The following RBFOX1 variants were observed in gnomAD, a reference collection of about 807,000 sequenced individuals.
RBFOX1 encodes the protein RNA binding protein fox-1 homolog 1.
RBFOX1 carries 8 observed loss-of-function variants against 57.7 expected under a neutral mutation model. The ratio of observed to expected loss-of-function variants is 0.14; its 90% CI spans 0.08 to 0.25. The LOEUF is 0.25. Among genes scored for constraint, RBFOX1 ranks in the 10% least tolerant of loss-of-function variants. The pLI is 1.00. For missense variants in RBFOX1, 611 were observed against 548.5 expected, an observed-to-expected ratio of 1.11 and a Z score of -1.14; for synonymous variants, 326 against 222.4, an observed-to-expected ratio of 1.47 and a Z score of -4.15.
rs1171981243 is a variant in RBFOX1 at position 6,764,662 on chromosome 16, TG to T, written c.-16+110013del. Among the ~76,000 whole-genome samples, 60 of 152,224 alleles carry T rather than the reference TG, an allele frequency of 3.9e-4. 1 individual carries two copies. The highest frequency in any genetic ancestry group is 3.3e-3 in the Admixed American group (50 of 15,290). On this transcript the variant is annotated intron_variant, in intron 3 of 15. Transcript: ENST00000550418. ...ATTAAGAGTAAATGCATGGGCTGGG[TG>T]CAGTGGCTCACGCCTGTAATCCCAG...
chr16:5,968,235 C>A (rs143212585), intron 4 of RBFOX1, among the ~76,000 whole-genome samples: 4 of 151,918 alleles, frequency 2.6e-5, no homozygotes, highest in Admixed American at 6.6e-5. Context: ...CCACCATGCC[C>A]GGTTAATTTT....
In RBFOX1 at chr16:7,029,250, A is replaced by G. The variant is rs1401757244; in HGVS notation, c.-15-22807A>G. Among the ~76,000 whole-genome samples, 10 of 70,360 alleles carry G rather than the reference A, an allele frequency of 1.4e-4. 2 individuals carry two copies. The South Asian group carries it at 4.3e-3, about 31-fold the overall frequency. 46.2% of individuals were successfully genotyped at this position (70,360 alleles called of 152,430 possible). ...CATATATATACGTATACGTATATAT[A>G]TACACACATATATATACGTATACGT... On this transcript the variant is annotated intron_variant, in intron 3 of 15. Coordinates refer to ENST00000550418, the MANE Select transcript of RBFOX1 (RefSeq NM_018723.4).
intron 4 of RBFOX1, among the ~76,000 whole-genome samples, chr16:7,369,829 C>G (rs957675897): frequency 6.6e-6 from 1 of 152,162 alleles, no homozygotes; most frequent in Admixed American, 6.5e-5. Context: ...AATTCTGGGA[C>G]AAGTACTATC....
intron 3 of RBFOX1, among the ~76,000 whole-genome samples, chr16:6,903,189 T>C (rs1433744630): frequency 1.3e-5 from 2 of 152,260 alleles, no homozygotes; most frequent in Middle Eastern, 3.4e-3. Flanking sequence ...GACAGCCATA[T>C]ACAAAGATCT....
chr16:7,175,068 A>G (rs1246969382), intron 4 of RBFOX1, among the ~76,000 whole-genome samples: 1 of 151,292 alleles, frequency 6.6e-6, no homozygotes, highest in African/African-American at 2.4e-5. Flanking sequence ...ATTCTGGGGT[A>G]CATGTGCAGG....
At chr16:7,567,209 A>AT (rs1491277032) in intron 5 of RBFOX1, among the ~76,000 whole-genome samples, 46 of 145,106 alleles carry the variant, frequency 3.2e-4, no homozygotes, top group African/African-American at 9.4e-4. Flanking sequence ...ATCCCTATAT[A>AT]AATATCCATA....
chr16:7,282,782 CT>C (rs1408059157), intron 4 of RBFOX1, among the ~76,000 whole-genome samples: 4 of 152,194 alleles, frequency 2.6e-5, no homozygotes, highest in African/African-American at 9.7e-5. Context: ...ATTCTTATGC[CT>C]TTGCATTCTC....
intron 3 of RBFOX1, among the ~76,000 whole-genome samples, chr16:5,676,888 C>T (rs1051865744): frequency 6.6e-6 from 1 of 152,096 alleles, no homozygotes; most frequent in Non-Finnish European, 1.5e-5. Flanking sequence ...CAGAACAGTG[C>T]CTGGGCACAT....
intron 2 of RBFOX1, among the ~76,000 whole-genome samples, chr16:6,463,110 T>C (rs1255880893): frequency 6.6e-6 from 1 of 152,050 alleles, no homozygotes. Flanking sequence ...TCAACTTTTA[T>C]AAAAACAGCC....
At chr16:5,538,086 C>G (rs1436542318) in intron 2 of RBFOX1, among the ~76,000 whole-genome samples, 2 of 152,058 alleles carry the variant, frequency 1.3e-5, no homozygotes, top group African/African-American at 4.8e-5. Flanking sequence ...ATCCTGACCC[C>G]AAAGGCACAA....
intron 1 of RBFOX1, among the ~76,000 whole-genome samples, chr16:6,286,571 G>A (rs548085177): frequency 6.6e-6 from 1 of 152,184 alleles, no homozygotes; most frequent in Admixed American, 6.5e-5. Flanking sequence ...CTGGAAGATA[G>A]CAGTCGTCTC....
At chr16:5,680,098 G>A (rs913149802) in intron 3 of RBFOX1, among the ~76,000 whole-genome samples, 7 of 152,218 alleles carry the variant, frequency 4.6e-5, no homozygotes, top group Admixed American at 6.5e-5. Context: ...CAACAAAGGC[G>A]TCAGAAGAGG....
chr16:5,993,793 C>A (rs116994358), intron 4 of RBFOX1, among the ~76,000 whole-genome samples: 85 of 152,184 alleles, frequency 5.6e-4, no homozygotes, highest in Non-Finnish European at 1.1e-3. Flanking sequence ...TGAATATTGC[C>A]GCTCATATGG....
At chr16:6,396,549 C>G (rs2092843558) in intron 2 of RBFOX1, among the ~76,000 whole-genome samples, 3 of 152,170 alleles carry the variant, frequency 2.0e-5, no homozygotes, top group Admixed American at 2.0e-4. Flanking sequence ...GAAGCCATAG[C>G]TGGACGACTG....
intron 2 of RBFOX1, among the ~76,000 whole-genome samples, chr16:5,548,457 C>T (rs1161837060): frequency 6.6e-6 from 1 of 151,610 alleles, no homozygotes; most frequent in Non-Finnish European, 1.5e-5. Context: ...AATATAGTGA[C>T]CATAGTTGAT....
intron 6 of RBFOX1, among the ~76,000 whole-genome samples, chr16:7,583,193 C>G (rs2093910163): frequency 6.8e-6 from 1 of 147,076 alleles, no homozygotes; most frequent in Admixed American, 6.9e-5. Flanking sequence ...ATTCCTTGGG[C>G]AAGATATATG....
intron 4 of RBFOX1, among the ~76,000 whole-genome samples, chr16:7,194,836 G>C (rs2086285756): frequency 6.6e-6 from 1 of 151,128 alleles, no homozygotes. Flanking sequence ...GCTGAGGTGG[G>C]AGGATTGCTT....
intron 2 of RBFOX1, among the ~76,000 whole-genome samples, chr16:6,484,260 C>G (rs1277793422): frequency 6.6e-6 from 1 of 152,188 alleles, no homozygotes; most frequent in South Asian, 2.1e-4. Context: ...TGTGCATTTG[C>G]GAAGTTGGCA....
rs189263975 is a variant in RBFOX1, at chr16:6,339,213, C to A, written c.-64+22156C>A. On this transcript the variant is annotated intron_variant, in intron 2 of 15. Transcript: ENST00000550418. ...GAGTAACTGGCCATCCCAGGATTTCCACAATTGAGGAGTGTCCTTAGAGGT... is the reference window on the plus strand; with the variant it reads ...GAGTAACTGGCCATCCCAGGATTTCAACAATTGAGGAGTGTCCTTAGAGGT... Among the ~76,000 whole-genome samples the A allele has an allele frequency of 4.8e-3, 737 of 152,282 alleles. 12 individuals are homozygous for A. Among genetic ancestry groups the A allele is most frequent in the African/African-American group, 0.016 (651 of 41,568 alleles).
Sources: allele counts gnomAD v4.1 joint callset (sites outside exome capture counted in the v4.1 genomes callset), GRCh38; gene constraint gnomAD v4.1.1; transcripts MANE v1.5; gene names NCBI Gene and HGNC (gene_info 2026-07-23, HGNC 2026-07-21).